Variants in KSR2 observed in about 807,000 individuals in gnomAD.
The protein encoded by KSR2 is kinase suppressor of ras 2.
Under a neutral mutation model 107.8 loss-of-function variants are expected in KSR2, and 25 were observed. That is an observed-to-expected ratio of 0.23 (90% CI 0.17 to 0.32). The LOEUF (loss-of-function observed/expected upper bound fraction) is 0.32, where lower values mean the gene tolerates loss of function less well. Among genes scored for constraint, KSR2 ranks in the 10% least tolerant of loss-of-function variants. KSR2 has a pLI of 1.00. For missense variants in KSR2, 887 were observed against 1,268.9 expected (o/e 0.70, Z 4.57); for synonymous variants, 480 against 507.0 (o/e 0.95, Z 0.71).
intron 3 of KSR2, among the ~76,000 whole-genome samples, chr12:117,825,434 C>A (rs192985709): frequency 6.6e-6 from 1 of 152,268 alleles, no homozygotes; most frequent in East Asian, 1.9e-4. Flanking sequence ...CCATGGAGAA[C>A]TCTGGTTAGT....
Position 117,829,576 on chromosome 12 carries a change from A to C in KSR2, c.472+25852T>G, listed in dbSNP as rs776892059. Reference sequence around the variant, plus strand: ...AAGTACATGGGCCTACTTGTTTACAAGCACTCACATCAGAAACTGATGAAA... The same window carrying C: ...AAGTACATGGGCCTACTTGTTTACACGCACTCACATCAGAAACTGATGAAA... On this transcript the variant is annotated intron_variant, in intron 3 of 19. Coordinates refer to ENST00000339824, the MANE Select transcript of KSR2 (RefSeq NM_173598.6). 1.5e-4 allele frequency among the ~76,000 whole-genome samples: 23 copies of C among 152,228 alleles called. 1 individual carries two copies. Among genetic ancestry groups the C allele is most frequent in the Non-Finnish European group, 2.4e-4 (16 of 68,038 alleles).
intron 4 of KSR2, among the ~76,000 whole-genome samples, chr12:117,718,562 G>A (rs961755746): frequency 6.6e-6 from 1 of 152,204 alleles, no homozygotes; most frequent in Non-Finnish European, 1.5e-5. Flanking sequence ...CCATGAGGTT[G>A]GTGAATGAGT....
At chr12:117,929,745 A>G (rs1237181069) in intron 1 of KSR2, among the ~76,000 whole-genome samples, 1 of 152,250 alleles carries the variant, frequency 6.6e-6, no homozygotes, top group Non-Finnish European at 1.5e-5. Flanking sequence ...GTTAAGTGAA[A>G]GAAGCCAGAC....
chr12:117,560,265 T>A (rs1302672076), intron 7 of KSR2, among the ~76,000 whole-genome samples: 3 of 152,124 alleles, frequency 2.0e-5, no homozygotes, highest in Non-Finnish European at 4.4e-5. Flanking sequence ...ATTGGATGCA[T>A]GCTCAGGTGT....
chr12:117,901,496 T>C (rs565252872), intron 1 of KSR2, among the ~76,000 whole-genome samples: 4 of 152,068 alleles, frequency 2.6e-5, no homozygotes, highest in African/African-American at 9.6e-5. Context: ...AGAAATGAGG[T>C]TTCACCATAT....
chr12:117,945,844 A>T (rs1048404917), intron 1 of KSR2, among the ~76,000 whole-genome samples: 2 of 152,156 alleles, frequency 1.3e-5, no homozygotes, highest in East Asian at 1.9e-4. Flanking sequence ...CTAGCGTGCA[A>T]ACAAAGGAGA....
chr12:117,670,162 C>T (rs1025772557), intron 4 of KSR2, among the ~76,000 whole-genome samples: 4 of 152,016 alleles, frequency 2.6e-5, no homozygotes, highest in African/African-American at 7.2e-5. Flanking sequence ...GAAAACAGCT[C>T]GGAAATTATA....
At chr12:117,558,611 A>G (rs1165855117) in intron 7 of KSR2, 38 bp from the exon 8 acceptor site, 14 of 1,539,262 alleles carry the variant, frequency 9.1e-6, no homozygotes, top group Non-Finnish European at 1.2e-5. Flanking sequence ...GGATAGGTGA[A>G]TGGCTGAGTG....
rs943289679 is a variant in KSR2, at chr12:117,786,803, T to C, written c.473-25279A>G. Among the ~76,000 whole-genome samples the C allele has an allele frequency of 2.7e-5, 4 of 149,694 alleles. No homozygotes were observed. In the East Asian group the frequency reaches 5.9e-4, roughly 22 times the overall value. Reference sequence around the variant, plus strand: ...TGCACTCCAGCCTGGGCAACAAGAGTGAAACTCACTGAGGTCGGGAGTTCG... The same window carrying C: ...TGCACTCCAGCCTGGGCAACAAGAGCGAAACTCACTGAGGTCGGGAGTTCG... On this transcript the variant is annotated intron_variant, in intron 3 of 19. Coordinates refer to ENST00000339824, the MANE Select transcript of KSR2 (RefSeq NM_173598.6).
chr12:117,563,767 A>G (rs1878277667), intron 7 of KSR2, among the ~76,000 whole-genome samples: 1 of 152,024 alleles, frequency 6.6e-6, no homozygotes. Context: ...TGGTTGATGG[A>G]TATTCCAGCC....
intron 3 of KSR2, among the ~76,000 whole-genome samples, chr12:117,809,186 A>G (rs113671840): frequency 2.0e-5 from 3 of 152,356 alleles, no homozygotes; most frequent in African/African-American, 7.2e-5. Flanking sequence ...CATTACCTTA[A>G]CTAATACATC....
At chr12:117,777,139 T>TTA (rs557336353) in intron 3 of KSR2, among the ~76,000 whole-genome samples, 1,605 of 136,720 alleles carry the variant, frequency 0.012, 35 homozygotes, top group African/African-American at 0.039. Context: ...ATACACTATA[T>TTA]TATATATATA....
At chr12:117,490,048 C>G (rs192720637) in intron 14 of KSR2, among the ~76,000 whole-genome samples, 1 of 152,278 alleles carries the variant, frequency 6.6e-6, no homozygotes, top group African/African-American at 2.4e-5. Flanking sequence ...GCTGCAACCC[C>G]TATATATATA....
chr12:117,516,062 T>A (rs1451672919), intron 14 of KSR2, among the ~76,000 whole-genome samples: 2 of 152,152 alleles, frequency 1.3e-5, no homozygotes, highest in Admixed American at 6.5e-5. Context: ...TTCTTCTTGG[T>A]CCCCTTGCAG....
Position 117,488,290 on chromosome 12 carries a change from G to A in KSR2, c.2220-2599C>T, listed in dbSNP as rs144428584. 3.2e-3 allele frequency among the ~76,000 whole-genome samples: 488 copies of A among 152,216 alleles called. 4 individuals carry two copies. The highest frequency in any genetic ancestry group is 0.011 in the African/African-American group (460 of 41,512). ...GGACTAATACAAATCCACAACCAGC[G>A]ATTCTTCCTCTAAGTAAGTACCCAA... On this transcript the variant is annotated intron_variant, in intron 14 of 19. Transcript: ENST00000339824.
chr12:117,504,756 A>T (rs1374251772), intron 14 of KSR2, among the ~76,000 whole-genome samples: 2 of 152,202 alleles, frequency 1.3e-5, no homozygotes, highest in Non-Finnish European at 2.9e-5. Context: ...TTTTAAAAAA[A>T]TCTTTGTTAA....
chr12:117,892,664 G>A (rs928905528), intron 1 of KSR2, among the ~76,000 whole-genome samples: 5 of 151,856 alleles, frequency 3.3e-5, no homozygotes, highest in Non-Finnish European at 7.4e-5. Context: ...TATCATCTGT[G>A]GCTGCTTTTG....
chr12:117,571,036 T>G (rs1199759042), intron 7 of KSR2, among the ~76,000 whole-genome samples: 1 of 152,138 alleles, frequency 6.6e-6, no homozygotes, highest in African/African-American at 2.4e-5. Flanking sequence ...AGCAGGCAGA[T>G]CACTTGAGGC....
At chr12:117,761,633 C>T (rs1889028575) in intron 3 of KSR2, 109 bp from the exon 4 acceptor site, 1 of 1,002,208 alleles carries the variant, frequency 1.0e-6, no homozygotes, top group Non-Finnish European at 1.5e-6. Context: ...GTGCCCATTA[C>T]ATCATGTGCA....
Sources: gnomAD v4.1 joint callset for allele counts (sites outside exome capture counted in the v4.1 genomes callset) on GRCh38, gnomAD v4.1.1 for gene constraint, MANE v1.5 for transcripts, NCBI Gene and HGNC (gene_info 2026-07-23, HGNC 2026-07-21) for gene names.